Variants in MEGF10 observed in about 807,000 individuals in gnomAD.
MEGF10 encodes multiple epidermal growth factor-like domains protein 10.
In MEGF10, 86 loss-of-function variants were observed where a neutral mutation model predicts 147.5. The ratio of observed to expected loss-of-function variants is 0.58; its 90% CI spans 0.49 to 0.70. MEGF10 has a LOEUF of 0.70. Among genes scored for constraint, MEGF10 ranks in the 30% least tolerant of loss-of-function variants. The probability of loss-of-function intolerance (pLI) is 0.00; values close to 1 mark genes in which losing one functional copy is unlikely to be tolerated. For missense variants in MEGF10, 1,329 were observed against 1,487.3 expected, an observed-to-expected ratio of 0.89 and a Z score of 1.75; for synonymous variants, 478 against 525.5, an observed-to-expected ratio of 0.91 and a Z score of 1.24.
intron 1 of MEGF10, among the ~76,000 whole-genome samples, chr5:127,313,942 C>G (rs1206455839): frequency 6.6e-6 from 1 of 152,200 alleles, no homozygotes; most frequent in East Asian, 1.9e-4. Context: ...TCATGTTTTA[C>G]TTTCGGTTCC....
intron 1 of MEGF10, among the ~76,000 whole-genome samples, chr5:127,324,426 A>G (rs1371088138): frequency 2.0e-5 from 3 of 152,200 alleles, no homozygotes; most frequent in Non-Finnish European, 2.9e-5. Context: ...CCCAGAATAT[A>G]TAACCAGGGG....
At chr5:127,323,178 TA>T (rs764728143) in intron 1 of MEGF10, among the ~76,000 whole-genome samples, 1 of 152,108 alleles carries the variant, frequency 6.6e-6, no homozygotes, top group African/African-American at 2.4e-5. Flanking sequence ...TGCGGAAAAA[TA>T]AAAGAAACAT....
intron 5 of MEGF10, among the ~76,000 whole-genome samples, chr5:127,391,170 T>C (rs924813058): frequency 1.2e-4 from 17 of 138,580 alleles, no homozygotes; most frequent in African/African-American, 4.7e-4. Flanking sequence ...GCTTATTTCT[T>C]TAGGAAAAAC....
intron 4 of MEGF10, among the ~76,000 whole-genome samples, chr5:127,341,133 T>C (rs1257914735): frequency 6.6e-6 from 1 of 152,184 alleles, no homozygotes; most frequent in Non-Finnish European, 1.5e-5. Flanking sequence ...CATTGTCATT[T>C]TCCCTCTTCT....
intron 5 of MEGF10, among the ~76,000 whole-genome samples, chr5:127,389,468 G>T (rs184322059): frequency 7.2e-5 from 11 of 152,256 alleles, no homozygotes; most frequent in Non-Finnish European, 1.5e-4. Flanking sequence ...GATACATGCA[G>T]GTCAATGTTC....
chr5:127,370,826 G>T (rs1380832600), intron 5 of MEGF10, among the ~76,000 whole-genome samples: 1 of 152,070 alleles, frequency 6.6e-6, no homozygotes, highest in Non-Finnish European at 1.5e-5. Context: ...CTTGAGAAAC[G>T]TGAGAAGGAA....
the MEGF10 span, among the ~76,000 whole-genome samples, chr5:127,240,806 CTT>C: frequency 1.3e-5 from 2 of 152,186 alleles, no homozygotes; most frequent in Non-Finnish European, 2.9e-5. Flanking sequence ...AGAATCATCA[CTT>C]ATATTACACT....
At chr5:127,429,025 A>G (rs550412279) in intron 13 of MEGF10, among the ~76,000 whole-genome samples, 2 of 152,224 alleles carry the variant, frequency 1.3e-5, no homozygotes, top group Non-Finnish European at 2.9e-5. Context: ...TGGCAAAAAC[A>G]GTCCCTTACA....
the MEGF10 span, among the ~76,000 whole-genome samples, chr5:127,233,821 C>G: frequency 6.6e-6 from 1 of 152,078 alleles, no homozygotes; most frequent in Non-Finnish European, 1.5e-5. Flanking sequence ...TTCGTTTAAT[C>G]AAGGCTGAAG....
intron 5 of MEGF10, among the ~76,000 whole-genome samples, chr5:127,382,240 A>G (rs1763291443): frequency 6.6e-6 from 1 of 152,254 alleles, no homozygotes; most frequent in South Asian, 2.1e-4. Flanking sequence ...CATGAAGGGC[A>G]GAAGTAAAAA....
At chr5:127,396,929 GCA>G in intron 6 of MEGF10, 151 bp downstream of exon 6, 1 of 1,107,640 alleles carries the variant, frequency 9.0e-7, no homozygotes, top group East Asian at 2.6e-5. Context: ...ATAGAGGTCA[GCA>G]GTGATGGCCA....
chr5:127,233,490 A>G, the MEGF10 span, among the ~76,000 whole-genome samples: 1 of 152,348 alleles, frequency 6.6e-6, no homozygotes, highest in Admixed American at 6.5e-5. Context: ...GTAAGGCGGC[A>G]ATTAGCCTGG....
intron 15 of MEGF10, 27 bp from the exon 16 acceptor site, chr5:127,435,334 A>G: frequency 6.2e-7 from 1 of 1,611,622 alleles, no homozygotes; most frequent in Non-Finnish European, 8.5e-7. Context: ...TTTGATTGTG[A>G]GTTACTGACC....
intron 1 of MEGF10, among the ~76,000 whole-genome samples, chr5:127,330,899 G>T (rs558351815): frequency 1.3e-5 from 2 of 152,070 alleles, no homozygotes; most frequent in African/African-American, 4.8e-5. Context: ...TTATTTTCTA[G>T]AACAAATGAG....
intron 12 of MEGF10, among the ~76,000 whole-genome samples, chr5:127,420,712 T>C (rs1234496802): frequency 6.6e-6 from 1 of 152,216 alleles, no homozygotes; most frequent in African/African-American, 2.4e-5. Context: ...AAGATGTCCC[T>C]ATAGCTCACT....
At chr5:127,238,517 C>T in the MEGF10 span, among the ~76,000 whole-genome samples, 1 of 152,138 alleles carries the variant, frequency 6.6e-6, no homozygotes, top group Non-Finnish European at 1.5e-5. Context: ...GTGTTGACAC[C>T]AGCCATATAG....
intron 4 of MEGF10, among the ~76,000 whole-genome samples, chr5:127,350,477 T>A (rs2126818894): frequency 6.6e-6 from 1 of 152,226 alleles, no homozygotes; most frequent in Non-Finnish European, 1.5e-5. Context: ...CCTCCATTCC[T>A]TTTTTCTTCC....
At chr5:127,357,252 T>G (rs982271106) in intron 4 of MEGF10, among the ~76,000 whole-genome samples, 4 of 152,070 alleles carry the variant, frequency 2.6e-5, no homozygotes, top group Non-Finnish European at 4.4e-5. Context: ...CTTCTAGACC[T>G]CTCCCCCAAA....
In MEGF10 at chr5:127,417,689, C is replaced by T. The variant is rs772583779; in HGVS notation, c.1182C>T (p.Leu394=). The T allele has an allele frequency of 6.2e-7, 1 of 1,614,154 alleles. No homozygotes were observed. The highest frequency in any genetic ancestry group is 8.5e-7 in the Non-Finnish European group (1 of 1,180,034). The change falls in exon 10 of 25, where the codon CTC becomes CTT. Residue 394 remains leucine, a synonymous_variant. Coordinates refer to ENST00000503335, the MANE Select transcript of MEGF10 (RefSeq NM_001256545.2). ...ECACKPGWSG[L]YCNETCSPGF... ...CCTGCAAGCCGGGCTGGTCAGGACT[C>T]TACTGTAATGAGACATGTTCTCCTG...
Sources: gnomAD v4.1 joint callset for allele counts (sites outside exome capture counted in the v4.1 genomes callset) on GRCh38, gnomAD v4.1.1 for gene constraint, MANE v1.5 for transcripts, NCBI Gene and HGNC (gene_info 2026-07-23, HGNC 2026-07-21) for gene names.